The following MTMR7 variants were observed in gnomAD, a reference collection of about 807,000 sequenced individuals.
MTMR7 encodes the protein phosphatidylinositol-3-phosphate phosphatase MTMR7.
A neutral mutation model predicts 81.2 loss-of-function variants in MTMR7; 76 were observed. The observed-to-expected ratio is 0.94, with a 90% CI of 0.78 to 1.13. The LOEUF (loss-of-function observed/expected upper bound fraction) is 1.13. MTMR7 is among the 50% of genes most tolerant of loss of function. The pLI is 0.00. For missense variants in MTMR7, 1,044 were observed against 820.0 expected (o/e 1.27, Z -3.34); for synonymous variants, 372 against 289.8 (o/e 1.28, Z -2.88).
intron 1 of MTMR7, among the ~76,000 whole-genome samples, chr8:17,382,274 G>A (rs557400375): frequency 6.6e-6 from 1 of 152,254 alleles, no homozygotes; most frequent in African/African-American, 2.4e-5. Flanking sequence ...TCCCAAGGCC[G>A]AGGGCACCAA....
At chr8:17,315,476 A>G (rs887827907) in intron 7 of MTMR7, among the ~76,000 whole-genome samples, 20 of 152,144 alleles carry the variant, frequency 1.3e-4, no homozygotes, top group African/African-American at 4.6e-4. Context: ...TTTGAGTGAT[A>G]CCGATGTGCC....
chr8:17,371,302 C>T, intron 2 of MTMR7, 103 bp from the exon 3 acceptor site: 1 of 1,326,670 alleles, frequency 7.5e-7, no homozygotes, highest in Non-Finnish European at 1.0e-6. Flanking sequence ...GAAACGCTCC[C>T]CAACCTCCAG....
intron 5 of MTMR7, among the ~76,000 whole-genome samples, chr8:17,343,868 A>G (rs1166263376): frequency 6.6e-6 from 1 of 152,218 alleles, no homozygotes; most frequent in African/African-American, 2.4e-5. Context: ...GTGCACCTAT[A>G]CATGCCCTAG....
chr8:17,332,825 T>C (rs12056505), intron 6 of MTMR7, among the ~76,000 whole-genome samples: 17,814 of 152,060 alleles, frequency 0.12, 1,660 homozygotes, highest in South Asian at 0.44. Flanking sequence ...CTTATAGATA[T>C]GTATTTAAGT....
intron 7 of MTMR7, among the ~76,000 whole-genome samples, chr8:17,313,905 C>T (rs1817923476): frequency 6.6e-6 from 1 of 152,184 alleles, no homozygotes; most frequent in South Asian, 2.1e-4. Context: ...GATCAAACTC[C>T]TCTTGCCAAT....
chr8:17,339,414 C>G (rs1198387541), intron 6 of MTMR7, among the ~76,000 whole-genome samples: 1 of 152,172 alleles, frequency 6.6e-6, no homozygotes, highest in Non-Finnish European at 1.5e-5. Flanking sequence ...TACCCATTAG[C>G]GGTCACTCAC....
At chr8:17,315,908 G>A (rs932365407) in intron 7 of MTMR7, among the ~76,000 whole-genome samples, 2 of 152,170 alleles carry the variant, frequency 1.3e-5, no homozygotes, top group African/African-American at 2.4e-5. Flanking sequence ...AGCTACTTGG[G>A]AGGCTGAGTT....
intron 4 of MTMR7, among the ~76,000 whole-genome samples, chr8:17,357,692 T>C (rs1044584564): frequency 2.0e-5 from 3 of 152,222 alleles, no homozygotes; most frequent in African/African-American, 7.2e-5. Flanking sequence ...TTTAGAAATG[T>C]AGACATGCTA....
At chr8:17,386,349 G>A (rs1820942533) in intron 1 of MTMR7, among the ~76,000 whole-genome samples, 3 of 152,194 alleles carry the variant, frequency 2.0e-5, no homozygotes, top group Admixed American at 6.5e-5. Flanking sequence ...CTGCATTGCA[G>A]GCTGGGCAGC....
At chr8:17,321,966 A>G (rs11994359) in intron 7 of MTMR7, among the ~76,000 whole-genome samples, 6,351 of 152,286 alleles carry the variant, frequency 0.042, 397 homozygotes, top group African/African-American at 0.14. Flanking sequence ...GGTATTTCCT[A>G]TACCACTCTT....
At chr8:17,332,899 C>G (rs554694275) in intron 6 of MTMR7, among the ~76,000 whole-genome samples, 1 of 152,312 alleles carries the variant, frequency 6.6e-6, no homozygotes, top group Admixed American at 6.5e-5. Flanking sequence ...GCAGCAATTA[C>G]AGCAGAAAGA....
Position 17,297,830 on chromosome 8 carries a change from C to G in MTMR7, c.*2032G>C, listed in dbSNP as rs1391247954. ...AATAAATGTAACCTTTTATATAAAT[C>G]TCAGTGCTAGGTTAACTTCTAATAA... On this transcript the variant is annotated 3_prime_UTR_variant, in exon 14 of 14. Transcript: ENST00000180173. The G allele has an allele frequency of 6.7e-6, 1 of 148,276 alleles. No homozygotes were observed. Among genetic ancestry groups the G allele is most frequent in the Non-Finnish European group, 1.5e-5 (1 of 67,290 alleles). The allele number at this position is 148,276 out of a possible 1,614,324, so 9.2% of individuals were successfully genotyped here.
At chr8:17,338,531 C>T (rs1320711690) in intron 6 of MTMR7, among the ~76,000 whole-genome samples, 1 of 152,176 alleles carries the variant, frequency 6.6e-6, no homozygotes, top group Admixed American at 6.5e-5. Flanking sequence ...ATCATTAAAT[C>T]ATCTGTAACT....
At position 17,404,715 on chromosome 8, in the gene MTMR7, G is replaced by C. The variant is rs191625961; in HGVS notation, c.24+8554C>G. Reference sequence around the variant, plus strand: ...TATATATAGAAATGAAACCAGAAAAGATACCTGAGAAACTTAATCTCAGGT... The same window carrying C: ...TATATATAGAAATGAAACCAGAAAACATACCTGAGAAACTTAATCTCAGGT... On this transcript the variant is annotated intron_variant, in intron 1 of 13. Transcript: ENST00000180173. Among the ~76,000 whole-genome samples the C allele has an allele frequency of 5.3e-5, 8 of 152,196 alleles. No homozygotes were observed. The East Asian group carries it at 1.5e-3, about 29-fold the overall frequency.
intron 3 of MTMR7, among the ~76,000 whole-genome samples, chr8:17,369,937 G>T (rs1028455843): frequency 2.0e-5 from 3 of 151,928 alleles, no homozygotes; most frequent in Non-Finnish European, 4.4e-5. Context: ...GAGCCACCGC[G>T]TCAGGCCGAG....
intron 1 of MTMR7, among the ~76,000 whole-genome samples, chr8:17,388,252 TCAA>T (rs1821007215): frequency 6.6e-6 from 1 of 152,164 alleles, no homozygotes; most frequent in Non-Finnish European, 1.5e-5. Context: ...AGGATTTATT[TCAA>T]CACCACCTTA....
chr8:17,368,246 C>T (rs1325591158), intron 3 of MTMR7, among the ~76,000 whole-genome samples: 1 of 152,150 alleles, frequency 6.6e-6, no homozygotes, highest in South Asian at 2.1e-4. Context: ...CACGCTTGCA[C>T]GCCCGCCACT....
At chr8:17,390,496 TGTATCACCAC>T (rs1408340148) in intron 1 of MTMR7, among the ~76,000 whole-genome samples, 1 of 152,162 alleles carries the variant, frequency 6.6e-6, no homozygotes, top group Non-Finnish European at 1.5e-5. Flanking sequence ...ATGGTGGAAC[TGTATCACCAC>T]GTATGTGTGC....
At chr8:17,398,329 A>G (rs7463877) in intron 1 of MTMR7, among the ~76,000 whole-genome samples, 22,948 of 152,198 alleles carry the variant, frequency 0.15, 1,883 homozygotes, top group Non-Finnish European at 0.18. Flanking sequence ...AAATTCTACC[A>G]GATGAATTTA....
Sources: gnomAD v4.1 joint callset for allele counts (sites outside exome capture counted in the v4.1 genomes callset) on GRCh38, gnomAD v4.1.1 for gene constraint, MANE v1.5 for transcripts, NCBI Gene and HGNC (gene_info 2026-07-23, HGNC 2026-07-21) for gene names.